The following CNOT2 variants were observed in gnomAD, a reference collection of about 807,000 sequenced individuals.
CNOT2 encodes the protein CC chemokine receptor 4-negative regulator of transcription 2.
A neutral mutation model predicts 72.1 loss-of-function variants in CNOT2; 7 were observed. The ratio of observed to expected loss-of-function variants is 0.10; its 90% CI spans 0.06 to 0.18. The LOEUF is 0.18. CNOT2 is among the 10% of genes least tolerant of loss of function. The pLI is 1.00. For synonymous variants in CNOT2, 196 were observed against 225.6 expected (o/e 0.87, Z 1.17); for missense variants, 345 against 660.3 (o/e 0.52, Z 5.23).
intron 8 of CNOT2, 177 bp from the exon 9 acceptor site, chr12:70,337,212 A>G (rs755777470): frequency 1.2e-4 from 60 of 492,616 alleles, no homozygotes; most frequent in Middle Eastern, 5.4e-4. Flanking sequence ...ATTAATCAGT[A>G]AATGAAAATT....
chr12:70,253,968 G>A (rs1005469725), intron 1 of CNOT2, among the ~76,000 whole-genome samples: 45 of 152,282 alleles, frequency 3.0e-4, no homozygotes, highest in African/African-American at 1.0e-3. Flanking sequence ...GCCAGGCGCA[G>A]TGGCTCACGC....
At chr12:70,324,200 G>A (rs1189208613) in intron 4 of CNOT2, 1 of 151,790 alleles carries the variant, frequency 6.6e-6, no homozygotes, top group African/African-American at 2.4e-5. Flanking sequence ...AAATCCACAG[G>A]TGCCAAGAAT....
chr12:70,345,273 A>G (rs536150706), intron 14 of CNOT2: 1 of 152,300 alleles, frequency 6.6e-6, no homozygotes, highest in South Asian at 2.1e-4. Flanking sequence ...CAAATAGTTT[A>G]AAGTATATAA....
chr12:70,266,003 CTTTT>C (rs200929958), intron 1 of CNOT2, among the ~76,000 whole-genome samples: 1 of 143,490 alleles, frequency 7.0e-6, no homozygotes, highest in Non-Finnish European at 1.5e-5. Context: ...ATTCTTTTAA[CTTTT>C]TTTTTTTTTT....
At chr12:70,271,324 T>G (rs914278518) in intron 1 of CNOT2, among the ~76,000 whole-genome samples, 1 of 151,850 alleles carries the variant, frequency 6.6e-6, no homozygotes, top group Non-Finnish European at 1.5e-5. Flanking sequence ...ATAAATCAAT[T>G]ACTGACAAGA....
intron 1 of CNOT2, among the ~76,000 whole-genome samples, chr12:70,264,240 T>C (rs1179082630): frequency 1.3e-5 from 2 of 152,224 alleles, no homozygotes; most frequent in Non-Finnish European, 2.9e-5. Flanking sequence ...CAGTTCTCTT[T>C]GGTACACTAG....
At chr12:70,294,324 A>G in intron 2 of CNOT2, 1 of 1,282,990 alleles carries the variant, frequency 7.8e-7, no homozygotes, top group Non-Finnish European at 1.0e-6. Flanking sequence ...AGCCGGGGGA[A>G]AAATGGTACT....
intron 1 of CNOT2, among the ~76,000 whole-genome samples, chr12:70,269,599 A>G (rs1282291403): frequency 6.6e-6 from 1 of 152,208 alleles, no homozygotes; most frequent in Non-Finnish European, 1.5e-5. Flanking sequence ...CTTGTGATGA[A>G]TATAAATGAT....
At chr12:70,339,012 T>TTGTGTGTG (rs1457871277) in intron 11 of CNOT2, among the ~76,000 whole-genome samples, 190 bp downstream of exon 11, 5 of 108,188 alleles carry the variant, frequency 4.6e-5, no homozygotes, top group African/African-American at 2.2e-4. Context: ...ATTTGGCATT[T>TTGTGTGTG]TATGTGTGTG....
At chr12:70,286,864 A>G (rs1870983896) in intron 2 of CNOT2, among the ~76,000 whole-genome samples, 1 of 152,024 alleles carries the variant, frequency 6.6e-6, no homozygotes. Context: ...TCAAAGTTTT[A>G]TATTTTTTTC....
intron 2 of CNOT2, among the ~76,000 whole-genome samples, chr12:70,307,369 T>A (rs1184583439): frequency 6.6e-6 from 1 of 152,178 alleles, no homozygotes; most frequent in Non-Finnish European, 1.5e-5. Context: ...CTATTTGAAT[T>A]TTTTTGTTTT....
chr12:70,281,920 A>T (rs1309039978), intron 2 of CNOT2, among the ~76,000 whole-genome samples: 1 of 152,254 alleles, frequency 6.6e-6, no homozygotes, highest in Non-Finnish European at 1.5e-5. Flanking sequence ...CTCAGTGGCT[A>T]CATGCTGCTA....
chr12:70,313,995 G>A (rs1393797935), intron 3 of CNOT2, among the ~76,000 whole-genome samples: 1 of 151,980 alleles, frequency 6.6e-6, no homozygotes, highest in Non-Finnish European at 1.5e-5. Flanking sequence ...TTAACATCTT[G>A]GGTAAGAATC....
chr12:70,257,663 G>A lies in CNOT2; in HGVS notation c.-96+14183G>A, dbSNP rs550003593. Among the ~76,000 whole-genome samples, 8 of 151,444 alleles carry A rather than the reference G, an allele frequency of 5.3e-5. 1 individual carries two copies. Among genetic ancestry groups the A allele is most frequent in the Admixed American group, 2.6e-4 (4 of 15,200 alleles). ...ATTACAGGTGTGAGCCACCGCGCCCGGCCCCAACTACCCTTTTCTTAAGTA... is the reference window on the plus strand; with the variant it reads ...ATTACAGGTGTGAGCCACCGCGCCCAGCCCCAACTACCCTTTTCTTAAGTA... On this transcript the variant is annotated intron_variant, in intron 1 of 15. Transcript: ENST00000229195.
chr12:70,252,028 T>C (rs953713579), intron 1 of CNOT2, among the ~76,000 whole-genome samples: 9 of 152,232 alleles, frequency 5.9e-5, no homozygotes, highest in Admixed American at 4.6e-4. Context: ...TGCTATGATA[T>C]GTGTTTGTGT....
intron 2 of CNOT2, among the ~76,000 whole-genome samples, chr12:70,299,161 G>A (rs1310344881): frequency 2.0e-5 from 3 of 152,234 alleles, no homozygotes; most frequent in Middle Eastern, 3.4e-3. Context: ...AGGCAAGAGT[G>A]AATGTGTGCA....
intron 7 of CNOT2, among the ~76,000 whole-genome samples, chr12:70,333,872 A>G (rs1013447138): frequency 2.0e-5 from 3 of 152,126 alleles, no homozygotes; most frequent in Non-Finnish European, 4.4e-5. Flanking sequence ...AAATCAGGCT[A>G]CATCTGCATA....
At chr12:70,276,566 C>T (rs58612372) in intron 1 of CNOT2, among the ~76,000 whole-genome samples, 21,906 of 151,796 alleles carry the variant, frequency 0.14, 1,924 homozygotes, top group Admixed American at 0.28. Context: ...TTGTGACAAT[C>T]GTGAAAATTT....
intron 7 of CNOT2, chr12:70,335,174 T>G (rs999684803): frequency 8.3e-5 from 21 of 252,034 alleles, no homozygotes; most frequent in Non-Finnish European, 3.1e-5. Flanking sequence ...GGGAAATATA[T>G]GCTTTTTATT....
Sources: allele counts gnomAD v4.1 joint callset (sites outside exome capture counted in the v4.1 genomes callset), GRCh38; gene constraint gnomAD v4.1.1; transcripts MANE v1.5; gene names NCBI Gene and HGNC (gene_info 2026-07-23, HGNC 2026-07-21).